The following CPA6 variants were observed in gnomAD, a reference collection of about 807,000 sequenced individuals.
CPA6 encodes the protein carboxypeptidase B.
CPA6 carries 58 observed loss-of-function variants against 63.3 expected under a neutral mutation model. The observed-to-expected ratio is 0.92, with a 90% CI of 0.74 to 1.14. CPA6 has a LOEUF of 1.14. CPA6 is among the 50% of genes most tolerant of loss of function. CPA6 has a pLI of 0.00. For missense variants in CPA6, 565 were observed against 526.6 expected (o/e 1.07, Z -0.71); for synonymous variants, 185 against 179.0 (o/e 1.03, Z -0.27).
At chr8:67,649,527 T>G (rs1322443098) in intron 1 of CPA6, among the ~76,000 whole-genome samples, 1 of 152,200 alleles carries the variant, frequency 6.6e-6, no homozygotes, top group African/African-American at 2.4e-5. Context: ...TTGGCTAAAT[T>G]TTTTGGCAGT....
chr8:67,511,302 T>C (rs771867394), intron 4 of CPA6, among the ~76,000 whole-genome samples: 8 of 152,186 alleles, frequency 5.3e-5, no homozygotes, highest in Admixed American at 2.0e-4. Flanking sequence ...TATGTAAAAG[T>C]GGTATGGGTA....
Position 67,483,829 on chromosome 8 carries a change from C to T in CPA6, c.777G>A (p.Arg259=), listed in dbSNP as rs1273746685. 1 of 1,614,152 alleles carries T rather than the reference C, an allele frequency of 6.2e-7. No individual in the cohort carries two copies. The highest frequency in any genetic ancestry group is 8.5e-7 in the Non-Finnish European group (1 of 1,179,998). The change falls in exon 8 of 11, where the codon AGG becomes AGA. Residue 259 remains arginine, a synonymous_variant. Transcript: ENST00000297770. The stretch of plus-strand genomic sequence containing the variant: ...CTCCACGGCAGCGAAACCTTGAGTT[C>T]CTTGACCTTGTTTTTCTCCAAAATC... ...NDRFWRKTRS[R]NSRFRCRGVD... is the part of the protein sequence containing the mutation.
chr8:67,741,506 G>C (rs1436291993), intron 1 of CPA6, among the ~76,000 whole-genome samples: 2 of 152,218 alleles, frequency 1.3e-5, no homozygotes, highest in Non-Finnish European at 1.5e-5. Context: ...AGCAGGAGGT[G>C]AGTGGCAGGC....
chr8:67,601,699 G>A (rs545501430), intron 2 of CPA6, among the ~76,000 whole-genome samples: 1 of 152,176 alleles, frequency 6.6e-6, no homozygotes, highest in South Asian at 2.1e-4. Context: ...GGTCTATTTT[G>A]TCTCTGAGTT....
chr8:67,660,947 T>C (rs1816094658), intron 1 of CPA6, among the ~76,000 whole-genome samples: 2 of 152,194 alleles, frequency 1.3e-5, no homozygotes, highest in South Asian at 4.1e-4. Context: ...CCATTTACAA[T>C]GTCATTCTAA....
At chr8:67,455,663 C>CAAAAACA (rs1810656363) in intron 8 of CPA6, among the ~76,000 whole-genome samples, 1 of 30,250 alleles carries the variant, frequency 3.3e-5, no homozygotes, top group Non-Finnish European at 5.2e-5. Flanking sequence ...TCTACAAAAG[C>CAAAAACA]AAAAAAAAAA....
intron 1 of CPA6, among the ~76,000 whole-genome samples, chr8:67,649,503 T>A (rs6984281): frequency 0.21 from 31,238 of 152,152 alleles, 3,373 homozygotes; most frequent in Middle Eastern, 0.31. Context: ...GGTCCTCTTA[T>A]GATTTTTTAA....
chr8:67,487,348 C>A lies in CPA6; in HGVS notation c.637-2559G>T, dbSNP rs549057891. ...ATAGTTTGCTCAGAATGATGGTTTC[C>A]AGCTTCATCCATGTCCCTGCAAAGG... On this transcript the variant is annotated intron_variant, in intron 6 of 10. Transcript: ENST00000297770. Among the ~76,000 whole-genome samples, 3 of 152,184 alleles carry A rather than the reference C, an allele frequency of 2.0e-5. No homozygotes were observed. In the South Asian group the frequency reaches 6.2e-4, roughly 32 times the overall value.
At chr8:67,469,866 T>TC (rs1480597702) in intron 8 of CPA6, among the ~76,000 whole-genome samples, 1 of 152,118 alleles carries the variant, frequency 6.6e-6, no homozygotes, top group African/African-American at 2.4e-5. Context: ...TCTCTTTTTT[T>TC]CCCCTTCCCT....
intron 8 of CPA6, among the ~76,000 whole-genome samples, chr8:67,444,041 G>A (rs1224944180): frequency 2.6e-5 from 4 of 151,432 alleles, no homozygotes; most frequent in Admixed American, 2.6e-4. Context: ...GCCCAGGCTG[G>A]AGTGCAGTGG....
chr8:67,546,698 T>C (rs1028839879), intron 2 of CPA6, among the ~76,000 whole-genome samples: 2 of 152,194 alleles, frequency 1.3e-5, no homozygotes, highest in African/African-American at 4.8e-5. Flanking sequence ...TATTTATTTA[T>C]TTTTAGAGAT....
intron 6 of CPA6, among the ~76,000 whole-genome samples, chr8:67,496,433 C>T (rs749619817): frequency 1.3e-5 from 2 of 149,542 alleles, no homozygotes; most frequent in Non-Finnish European, 3.0e-5. Flanking sequence ...ATAATTCACA[C>T]ACCTTACAAT....
chr8:67,469,694 C>T lies in CPA6; in HGVS notation c.838+14074G>A, dbSNP rs142790329. Among the ~76,000 whole-genome samples, 493 of 152,338 alleles carry T rather than the reference C, an allele frequency of 3.2e-3. 7 individuals carry two copies. Among genetic ancestry groups the T allele is most frequent in the South Asian group, 0.019 (94 of 4,828 alleles). On this transcript the variant is annotated intron_variant, in intron 8 of 10. Transcript: ENST00000297770. ...TTCTGCCTTCAGACTTGAACTGCAA[C>T]GTGGGCACATCCCTGGGTTTCCAGC...
intron 8 of CPA6, among the ~76,000 whole-genome samples, chr8:67,481,074 T>C (rs970465180): frequency 2.0e-5 from 3 of 152,244 alleles, no homozygotes; most frequent in Admixed American, 1.3e-4. Flanking sequence ...TTAGTAGATA[T>C]ATGATTTGCA....
At chr8:67,681,001 A>C (rs1816579612) in intron 1 of CPA6, among the ~76,000 whole-genome samples, 1 of 151,980 alleles carries the variant, frequency 6.6e-6, no homozygotes, top group Admixed American at 6.6e-5. Context: ...CCTGGATACA[A>C]GTCTTTTATC....
intron 6 of CPA6, among the ~76,000 whole-genome samples, chr8:67,487,607 T>C (rs1183190515): frequency 1.3e-5 from 2 of 152,240 alleles, no homozygotes; most frequent in Admixed American, 1.3e-4. Context: ...TTTCTAGTTC[T>C]AGATCCTTGA....
At chr8:67,524,288 ATTG>A (rs1812317800) in intron 2 of CPA6, among the ~76,000 whole-genome samples, 1 of 152,092 alleles carries the variant, frequency 6.6e-6, no homozygotes, top group Non-Finnish European at 1.5e-5. Flanking sequence ...TGCATCAGTA[ATTG>A]TTATGAGTTT....
intron 2 of CPA6, among the ~76,000 whole-genome samples, chr8:67,588,866 G>T (rs142556817): frequency 6.6e-6 from 1 of 152,240 alleles, no homozygotes; most frequent in East Asian, 1.9e-4. Context: ...GGGGCCAGGG[G>T]TGGTGGCTCA....
chr8:67,677,850 A>C (rs1587694245), intron 1 of CPA6, among the ~76,000 whole-genome samples: 2 of 151,988 alleles, frequency 1.3e-5, no homozygotes, highest in South Asian at 4.2e-4. Flanking sequence ...TTGTAGGTCT[A>C]AATGGGAAAA....
Sources: gnomAD v4.1 joint callset for allele counts (sites outside exome capture counted in the v4.1 genomes callset) on GRCh38, gnomAD v4.1.1 for gene constraint, MANE v1.5 for transcripts, NCBI Gene and HGNC (gene_info 2026-07-23, HGNC 2026-07-21) for gene names.